Variants in RB1CC1 observed in about 807,000 individuals in gnomAD.
RB1CC1 encodes the protein RB1-inducible coiled-coil protein 1.
RB1CC1 carries 46 observed loss-of-function variants against 177.5 expected under a neutral mutation model. The ratio of observed to expected loss-of-function variants is 0.26; its 90% CI spans 0.20 to 0.33. The LOEUF is 0.33. Ranked by LOEUF, RB1CC1 falls within the 10% of genes least tolerant of loss-of-function variation. RB1CC1 has a pLI of 1.00. For missense variants in RB1CC1, 1,703 were observed against 1,816.3 expected (o/e 0.94, Z 1.13); for synonymous variants, 666 against 613.6 (o/e 1.09, Z -1.26).
intron 7 of RB1CC1, among the ~76,000 whole-genome samples, chr8:52,671,406 G>A (rs183730978): frequency 6.6e-5 from 10 of 152,252 alleles, no homozygotes; most frequent in African/African-American, 2.2e-4. Context: ...GTGCTACTGC[G>A]ATCAGATATC....
intron 5 of RB1CC1, among the ~76,000 whole-genome samples, chr8:52,683,129 T>C (rs1172723762): frequency 1.3e-5 from 2 of 152,194 alleles, no homozygotes; most frequent in Non-Finnish European, 2.9e-5. Flanking sequence ...GAACTGCAAG[T>C]AGCAGTGTTA....
intron 18 of RB1CC1, among the ~76,000 whole-genome samples, chr8:52,641,925 G>T (rs1849620593): frequency 6.6e-6 from 1 of 152,022 alleles, no homozygotes; most frequent in Admixed American, 6.6e-5. Context: ...CGATTTCAAT[G>T]TAATGCAGTA....
At chr8:52,640,773 T>A (rs1849506873) in intron 18 of RB1CC1, among the ~76,000 whole-genome samples, 1 of 152,188 alleles carries the variant, frequency 6.6e-6, no homozygotes, top group Non-Finnish European at 1.5e-5. Context: ...GTTTTCTTGA[T>A]TTGCTTTTTT....
intron 5 of RB1CC1, among the ~76,000 whole-genome samples, chr8:52,676,970 GTATAAC>G (rs1321966248): frequency 5.9e-5 from 9 of 152,300 alleles, no homozygotes; most frequent in African/African-American, 1.7e-4. Flanking sequence ...TTCTAGATTA[GTATAAC>G]TATAACAGAT....
intron 15 of RB1CC1, among the ~76,000 whole-genome samples, chr8:52,649,955 T>C (rs1040074026): frequency 3.9e-5 from 6 of 152,262 alleles, no homozygotes; most frequent in Non-Finnish European, 5.9e-5. Context: ...GAACAGTATC[T>C]ACATGTTGGC....
chr8:52,666,712 T>C (rs1852100325), intron 8 of RB1CC1, among the ~76,000 whole-genome samples: 1 of 151,870 alleles, frequency 6.6e-6, no homozygotes, highest in Non-Finnish European at 1.5e-5. Flanking sequence ...AAACTGAAAC[T>C]GTAGAGCTGA....
intron 7 of RB1CC1, 126 bp from the exon 8 acceptor site, chr8:52,668,317 G>GGAAC: frequency 9.5e-7 from 1 of 1,057,322 alleles, no homozygotes; most frequent in South Asian, 1.7e-5. Flanking sequence ...CAAAAGCATG[G>GGAAC]GAACTCTAAG....
chr8:52,645,940 G>A lies in RB1CC1; in HGVS notation c.3822-73C>T, dbSNP rs376610955. Reference sequence around the variant, plus strand: ...ACAAATATACCAAATATCATATTTGGGAAATTTATCTTCCTTAAGCTCAAT... The same window carrying A: ...ACAAATATACCAAATATCATATTTGAGAAATTTATCTTCCTTAAGCTCAAT... On this transcript the variant is annotated intron_variant, in intron 15 of 23. Coordinates refer to ENST00000025008, the MANE Select transcript of RB1CC1 (RefSeq NM_014781.5). 23 of 1,408,176 alleles carry A rather than the reference G, an allele frequency of 1.6e-5. No individual in the cohort carries two copies. In the South Asian group the frequency reaches 2.7e-4, roughly 16 times the overall value. 87.2% of individuals were successfully genotyped at this position (1,408,176 alleles called of 1,614,324 possible). A position where few individuals can be genotyped will look rare whatever the true frequency, so the allele number is the denominator to read the frequency against.
intron 1 of RB1CC1, among the ~76,000 whole-genome samples, chr8:52,712,186 G>A (rs1264519776): frequency 6.6e-6 from 1 of 152,114 alleles, no homozygotes; most frequent in African/African-American, 2.4e-5. Flanking sequence ...TACTACAAAA[G>A]AAAAGTGTAA....
At chr8:52,704,280 G>T (rs1563473124) in intron 1 of RB1CC1, among the ~76,000 whole-genome samples, 1 of 151,950 alleles carries the variant, frequency 6.6e-6, no homozygotes, top group Non-Finnish European at 1.5e-5. Context: ...CATTAAACAT[G>T]AGTCTAACAC....
At position 52,660,972 on chromosome 8, in the gene RB1CC1, T is replaced by A; in HGVS notation, c.1581A>T (p.Leu527Phe). The A allele has an allele frequency of 2.5e-6, 4 of 1,613,484 alleles. No homozygotes were observed. Among genetic ancestry groups the A allele is most frequent in the Non-Finnish European group, 3.4e-6 (4 of 1,179,668 alleles). ...AGALVKDGKR[L>F]YEAEKSKRES... ...CCCTTTTTGATTTTTCTGCTTCATA[T>A]AATCTCTTTCCATCTTTGACTAAAG... Residue 527 changes from leucine to phenylalanine, a missense_variant, in exon 11 of 24, where the codon TTA (leucine) becomes TTT (phenylalanine). Transcript: ENST00000025008.
intron 6 of RB1CC1, among the ~76,000 whole-genome samples, chr8:52,675,524 T>G (rs1853019398): frequency 6.6e-6 from 1 of 151,956 alleles, no homozygotes; most frequent in Non-Finnish European, 1.5e-5. Flanking sequence ...CAATGTGTAT[T>G]AAATGTACTT....
chr8:52,624,421 T>C (rs1040350105), intron 23 of RB1CC1, among the ~76,000 whole-genome samples: 3 of 152,004 alleles, frequency 2.0e-5, no homozygotes, highest in African/African-American at 4.8e-5. Context: ...TCTCTAGTTA[T>C]GCAGGGATTT....
intron 1 of RB1CC1, among the ~76,000 whole-genome samples, chr8:52,700,609 T>G (rs564266024): frequency 6.6e-6 from 1 of 152,184 alleles, no homozygotes; most frequent in Non-Finnish European, 1.5e-5. Context: ...ATCTTATTGG[T>G]CATTGGCATA....
chr8:52,626,479 A>G (rs1414645632), intron 22 of RB1CC1, among the ~76,000 whole-genome samples: 3 of 152,170 alleles, frequency 2.0e-5, no homozygotes, highest in African/African-American at 7.2e-5. Flanking sequence ...GTGTATATTT[A>G]TATCTTAGAT....
intron 8 of RB1CC1, among the ~76,000 whole-genome samples, chr8:52,663,160 G>A (rs1037963310): frequency 6.6e-6 from 1 of 152,030 alleles, no homozygotes; most frequent in African/African-American, 2.4e-5. Context: ...AATAAGGTTT[G>A]ACAGCTACAT....
At chr8:52,683,863 G>A (rs1854003680) in intron 4 of RB1CC1, 24 bp downstream of exon 4, 5 of 1,606,528 alleles carry the variant, frequency 3.1e-6, no homozygotes, top group Non-Finnish European at 4.2e-6. Flanking sequence ...GCATTCTTGT[G>A]TGAAAGGACT....
At chr8:52,703,347 A>G in intron 1 of RB1CC1, among the ~76,000 whole-genome samples, 1 of 152,074 alleles carries the variant, frequency 6.6e-6, no homozygotes, top group East Asian at 1.9e-4. Flanking sequence ...CAACTACATA[A>G]TCTTAGATTC....
chr8:52,689,629 TCCA>T (rs1233994919), intron 1 of RB1CC1, among the ~76,000 whole-genome samples: 1 of 152,162 alleles, frequency 6.6e-6, no homozygotes, highest in Non-Finnish European at 1.5e-5. Context: ...GCTCTTCCTT[TCCA>T]CCACAACTTT....
Sources: gnomAD v4.1 joint callset for allele counts (sites outside exome capture counted in the v4.1 genomes callset) on GRCh38, gnomAD v4.1.1 for gene constraint, MANE v1.5 for transcripts, NCBI Gene and HGNC (gene_info 2026-07-23, HGNC 2026-07-21) for gene names.